Variants in HS6ST2 observed in about 807,000 individuals in gnomAD.
The protein encoded by HS6ST2 is heparan sulfate 6-O-sulfotransferase 2.
HS6ST2 carries 17 observed loss-of-function variants against 33.0 expected under a neutral mutation model. The observed-to-expected ratio is 0.52, with a 90% CI of 0.35 to 0.77. The LOEUF (loss-of-function observed/expected upper bound fraction) is 0.77. Ranked by LOEUF, HS6ST2 falls within the 30% of genes least tolerant of loss-of-function variation. The probability of loss-of-function intolerance (pLI) is 0.01; values close to 1 mark genes in which losing one functional copy is unlikely to be tolerated. For missense variants in HS6ST2, 519 were observed against 551.7 expected, an observed-to-expected ratio of 0.94 and a Z score of 0.59; for synonymous variants, 248 against 237.1, an observed-to-expected ratio of 1.05 and a Z score of -0.42.
At chrX:132,835,543 A>G (rs141434188) in intron 2 of HS6ST2, among the ~76,000 whole-genome samples, 1,914 of 112,188 alleles carry the variant, frequency 0.017, 41 homozygotes, top group African/African-American at 0.057. Flanking sequence ...AGGTAACTCA[A>G]ATACACATTT....
At chrX:132,915,542 C>T (rs2066577590) in intron 2 of HS6ST2, among the ~76,000 whole-genome samples, 1 of 111,094 alleles carries the variant, frequency 9.0e-6, no homozygotes, top group Non-Finnish European at 1.9e-5. Context: ...CTTATCCTCC[C>T]TGGGTATCAG....
chrX:132,958,484 GC>G lies in HS6ST2; in HGVS notation c.118del (p.Ala40ArgfsTer87). The G allele has an allele frequency of 8.4e-7, 1 of 1,196,033 alleles. No homozygotes were observed. The highest frequency in any genetic ancestry group is 1.1e-6 in the Non-Finnish European group (1 of 889,272). On this transcript the variant is annotated frameshift_variant, in exon 1 of 5. Coordinates refer to ENST00000370833, the MANE Select transcript of HS6ST2 (RefSeq NM_001394073.1). LOFTEE classifies it high-confidence loss of function. ...RHSRVEAELAASRPGSVAASV... is the reference protein window; with the variant it reads ...RHSRVEAELAXSRPGSVAASV... ...GGCGGCGACCGACCCGGGCCGGCTC[GC>G]TGCCAATTCGGCCTCTACTCTGGAA...
intron 2 of HS6ST2, among the ~76,000 whole-genome samples, chrX:132,745,920 C>A (rs181381152): frequency 6.3e-5 from 7 of 111,612 alleles, no homozygotes; most frequent in Non-Finnish European, 1.1e-4. Context: ...TACTTAAAAT[C>A]TTAGGTGAAT....
intron 2 of HS6ST2, among the ~76,000 whole-genome samples, chrX:132,954,098 G>T (rs1056631607): frequency 8.9e-6 from 1 of 112,143 alleles, no homozygotes; most frequent in African/African-American, 3.2e-5. Context: ...CTGGCCTCTT[G>T]CTGAAGATGG....
At chrX:132,894,474 TGTTA>T (rs1408537257) in intron 2 of HS6ST2, among the ~76,000 whole-genome samples, 6 of 25,506 alleles carry the variant, frequency 2.4e-4, no homozygotes, top group African/African-American at 1.6e-3. Context: ...CCTATTGTTA[TGTTA>T]TGTTATGTTA....
chrX:132,703,185 C>T (rs1301867709), intron 3 of HS6ST2, among the ~76,000 whole-genome samples: 1 of 112,172 alleles, frequency 8.9e-6, no homozygotes, highest in East Asian at 2.8e-4. Flanking sequence ...ATCTACATAG[C>T]TCTGACAGGA....
At chrX:132,845,163 CGA>C (rs913039220) in intron 2 of HS6ST2, among the ~76,000 whole-genome samples, 1 of 108,162 alleles carries the variant, frequency 9.2e-6, no homozygotes, top group African/African-American at 3.3e-5. Context: ...TGTATTTCAT[CGA>C]GAGAGAGATT....
At chrX:132,823,977 T>C (rs896115290) in intron 2 of HS6ST2, among the ~76,000 whole-genome samples, 1 of 110,429 alleles carries the variant, frequency 9.1e-6, no homozygotes, top group African/African-American at 3.3e-5. Context: ...GGGTTATATA[T>C]ACCACATTTT....
chrX:132,889,965 A>G (rs752026281), intron 2 of HS6ST2, among the ~76,000 whole-genome samples: 23 of 112,026 alleles, frequency 2.1e-4, no homozygotes, highest in African/African-American at 7.1e-4. Context: ...AACAGAATAG[A>G]TAACACAAAG....
At chrX:132,766,565 T>C in intron 2 of HS6ST2, among the ~76,000 whole-genome samples, 1 of 111,784 alleles carries the variant, frequency 8.9e-6, no homozygotes, top group Admixed American at 9.5e-5. Flanking sequence ...GGTATATTAG[T>C]CTGTACTCAC....
intron 3 of HS6ST2, among the ~76,000 whole-genome samples, chrX:132,674,356 T>C (rs1246868932): frequency 4.5e-5 from 5 of 112,073 alleles, no homozygotes; most frequent in Non-Finnish European, 9.4e-5. Flanking sequence ...TGTCTTAGTC[T>C]TCTTATCTAC....
intron 4 of HS6ST2, among the ~76,000 whole-genome samples, chrX:132,630,936 C>T (rs1212889489): frequency 9.0e-6 from 1 of 111,262 alleles, no homozygotes; most frequent in Non-Finnish European, 1.9e-5. Flanking sequence ...TAGAGTGAGA[C>T]CCTACCCCTC....
At chrX:132,717,002 A>G (rs748905176) in intron 2 of HS6ST2, among the ~76,000 whole-genome samples, 1 of 112,929 alleles carries the variant, frequency 8.9e-6, no homozygotes, top group Admixed American at 9.4e-5. Flanking sequence ...TAACTGCTTC[A>G]TTCACATTTT....
chrX:132,945,975 T>G (rs182292357), intron 2 of HS6ST2, among the ~76,000 whole-genome samples: 4 of 111,216 alleles, frequency 3.6e-5, no homozygotes, highest in Admixed American at 2.9e-4. Context: ...GTTGTGCACA[T>G]GTACCCTAGC....
chrX:132,663,681 T>G (rs187882110), intron 4 of HS6ST2, among the ~76,000 whole-genome samples: 1 of 112,606 alleles, frequency 8.9e-6, no homozygotes, highest in African/African-American at 3.2e-5. Flanking sequence ...ACTACAGCAA[T>G]TACTGGCAAA....
At chrX:132,960,700 A>T (rs2067136536), upstream of HS6ST2, among the ~76,000 whole-genome samples, 1 of 111,788 alleles carries the variant, frequency 8.9e-6, no homozygotes. Flanking sequence ...AAGAGGGACA[A>T]GGTGGGGCTG....
intron 2 of HS6ST2, among the ~76,000 whole-genome samples, chrX:132,787,167 G>GTTTA (rs1405731624): frequency 1.9e-5 from 1 of 51,391 alleles, no homozygotes; most frequent in Non-Finnish European, 3.3e-5. Context: ...ATATATATAT[G>GTTTA]TATATATATA....
At chrX:132,682,879 G>C (rs901902745) in intron 3 of HS6ST2, among the ~76,000 whole-genome samples, 1 of 110,670 alleles carries the variant, frequency 9.0e-6, no homozygotes, top group Admixed American at 9.6e-5. Flanking sequence ...GCTGATGCAG[G>C]ATGATCGCTT....
chrX:132,779,056 A>G (rs1224279809), intron 2 of HS6ST2, among the ~76,000 whole-genome samples: 2 of 112,232 alleles, frequency 1.8e-5, no homozygotes, highest in Non-Finnish European at 3.8e-5. Flanking sequence ...CAGCACAGGG[A>G]AAAGCAAAGG....
Sources: allele counts gnomAD v4.1 joint callset (sites outside exome capture counted in the v4.1 genomes callset), GRCh38; gene constraint gnomAD v4.1.1; transcripts MANE v1.5; gene names NCBI Gene and HGNC (gene_info 2026-07-23, HGNC 2026-07-21).